Variants in ERICH1 observed in about 807,000 individuals in gnomAD.
ERICH1 encodes glutamate rich 1.
Under a neutral mutation model 39.6 loss-of-function variants are expected in ERICH1, and 56 were observed. That is an observed-to-expected ratio of 1.41 (90% CI 1.14 to 1.77). ERICH1 has a LOEUF of 1.77. Ranked by LOEUF, ERICH1 falls within the 40% of genes most tolerant of loss-of-function variation. The probability of loss-of-function intolerance (pLI) is 0.00; values close to 1 mark genes in which losing one functional copy is unlikely to be tolerated. For synonymous variants in ERICH1, 313 were observed against 223.6 expected (o/e 1.40, Z -3.57); for missense variants, 826 against 575.4 (o/e 1.44, Z -4.45).
chr8:623,719 C>G (rs1797424468), intron 3 of ERICH1, among the ~76,000 whole-genome samples: 1 of 152,262 alleles, frequency 6.6e-6, no homozygotes, highest in South Asian at 2.1e-4. Context: ...AGTTGAACCC[C>G]TTTCTTGCAC....
chr8:651,717 T>C (rs60673325), intron 3 of ERICH1, among the ~76,000 whole-genome samples: 1 of 29,174 alleles, frequency 3.4e-5, no homozygotes, highest in Admixed American at 4.1e-4. Context: ...TGAGACGGAG[T>C]GGGAGGGGGG....
intron 3 of ERICH1, among the ~76,000 whole-genome samples, chr8:638,689 T>G (rs1798651867): frequency 6.6e-6 from 1 of 152,206 alleles, no homozygotes; most frequent in Non-Finnish European, 1.5e-5. Flanking sequence ...TGCCTTATGA[T>G]AGCTAATTGC....
intron 3 of ERICH1, among the ~76,000 whole-genome samples, chr8:651,560 G>A (rs977266960): frequency 1.3e-5 from 2 of 152,162 alleles, no homozygotes; most frequent in African/African-American, 2.4e-5. Flanking sequence ...AGTCCACGAA[G>A]TGGGAAGGGG....
At chr8:661,931 G>T (rs770416096), downstream of ERICH1, among the ~76,000 whole-genome samples, 1 of 151,876 alleles carries the variant, frequency 6.6e-6, no homozygotes, top group African/African-American at 2.4e-5. Flanking sequence ...ACCACCCCCC[G>T]CAGTGGCAGG....
chr8:674,353 A>C (rs1208325651), intron 3 of ERICH1, among the ~76,000 whole-genome samples: 1 of 126,572 alleles, frequency 7.9e-6, no homozygotes, highest in Non-Finnish European at 1.6e-5. Context: ...CACAGGCTGG[A>C]GTGCAGTGGA....
rs139731216 is a variant in ERICH1, at chr8:708,681, G to GTTTTTTTTTTTTTTTTTTTTT, written c.169+7159_169+7179dup. ...GGGCTGAGTGGTTACGGGATAATGA[G>GTTTTTTTTTTTTTTTTTTTTT]TTTTTTTTTTTTTTTTTTTTTTTTT... On this transcript the variant is annotated intron_variant, in intron 2 of 5. Coordinates refer to ENST00000262109, the MANE Select transcript of ERICH1 (RefSeq NM_207332.3). Among the ~76,000 whole-genome samples, 24 of 65,764 alleles carry GTTTTTTTTTTTTTTTTTTTTT rather than the reference G, an allele frequency of 3.6e-4. 3 individuals are homozygous for GTTTTTTTTTTTTTTTTTTTTT. Among genetic ancestry groups the GTTTTTTTTTTTTTTTTTTTTT allele is most frequent in the Non-Finnish European group, 4.5e-4 (15 of 33,638 alleles). 43.1% of individuals were successfully genotyped at this position (65,764 alleles called of 152,430 possible).
intron 2 of ERICH1, among the ~76,000 whole-genome samples, chr8:702,228 C>T (rs947404965): frequency 6.6e-6 from 1 of 152,118 alleles, no homozygotes; most frequent in Non-Finnish European, 1.5e-5. Context: ...GAAAGGCTGT[C>T]CAGTTTTGTT....
At chr8:677,153 G>T (rs1805034149) in intron 3 of ERICH1, among the ~76,000 whole-genome samples, 1 of 152,244 alleles carries the variant, frequency 6.6e-6, no homozygotes, top group African/African-American at 2.4e-5. Context: ...GACACCGCAA[G>T]CTGTGACGCA....
At position 699,811 on chromosome 8, in the gene ERICH1, ATCCG is replaced by A. The variant is rs1563295522; in HGVS notation, c.170-7203_170-7200del. 7.2e-4 allele frequency among the ~76,000 whole-genome samples: 47 copies of A among 65,208 alleles called. 2 individuals carry two copies. Among genetic ancestry groups the A allele is most frequent in the Non-Finnish European group, 1.6e-3 (43 of 26,164 alleles). 42.8% of individuals were successfully genotyped at this position (65,208 alleles called of 152,430 possible). ...CGCACAGACCCGCACACGCGCACAG[ATCCG>A]CACAAGCGCACAGACCCGCACAGGC... is the stretch of plus-strand genomic sequence containing the variant. On this transcript the variant is annotated intron_variant, in intron 2 of 5. Coordinates refer to ENST00000262109, the MANE Select transcript of ERICH1 (RefSeq NM_207332.3).
rs1808932908 is a variant in ERICH1, at chr8:691,599, T to C, written c.304+879A>G. On this transcript the variant is annotated intron_variant, in intron 3 of 5. Coordinates refer to ENST00000262109, the MANE Select transcript of ERICH1 (RefSeq NM_207332.3). ...CTTCATAAGAACGCACATTTTCTAG[T>C]TAAATAATCTATCTATCTAATAATT... is the stretch of plus-strand genomic sequence containing the variant. Among the ~76,000 whole-genome samples the C allele has an allele frequency of 2.0e-5, 3 of 152,272 alleles. No homozygotes were observed. The South Asian group carries it at 6.2e-4, about 31-fold the overall frequency.
intron 5 of ERICH1, chr8:666,066 C>G (rs1320797276): frequency 6.6e-6 from 1 of 152,192 alleles, no homozygotes; most frequent in Non-Finnish European, 1.5e-5. Flanking sequence ...CTACAGAACT[C>G]AAAGGAGTCC....
intron 1 of ERICH1, among the ~76,000 whole-genome samples, chr8:726,042 C>A (rs779826980): frequency 1.3e-5 from 2 of 152,200 alleles, no homozygotes; most frequent in Non-Finnish European, 2.9e-5. Flanking sequence ...TGCAGCACAG[C>A]AATGACTCCT....
At chr8:678,984 C>T (rs989713809) in intron 3 of ERICH1, among the ~76,000 whole-genome samples, 3 of 152,016 alleles carry the variant, frequency 2.0e-5, no homozygotes, top group Admixed American at 6.6e-5. Context: ...TCCGACCCCT[C>T]ACAGCTTTGA....
At chr8:618,462 A>C (rs559311203) in intron 3 of ERICH1, among the ~76,000 whole-genome samples, 1 of 152,214 alleles carries the variant, frequency 6.6e-6, no homozygotes, top group African/African-American at 2.4e-5. Flanking sequence ...CTGCCCTGTA[A>C]GTGCTTGGTG....
chr8:683,820 A>C (rs998698098), intron 3 of ERICH1, among the ~76,000 whole-genome samples: 2 of 152,208 alleles, frequency 1.3e-5, no homozygotes, highest in Non-Finnish European at 2.9e-5. Context: ...CGCTAAGCTA[A>C]ACGTCTGCCT....
chr8:682,069 T>G (rs1234766306), intron 3 of ERICH1, among the ~76,000 whole-genome samples: 1 of 550 alleles, frequency 1.8e-3, no homozygotes. Flanking sequence ...TTCCCACTTT[T>G]CCATGATGAG....
At chr8:650,439 C>T (rs1585038781) in intron 3 of ERICH1, among the ~76,000 whole-genome samples, 2 of 152,186 alleles carry the variant, frequency 1.3e-5, no homozygotes, top group Admixed American at 1.3e-4. Context: ...CGCCTTAACT[C>T]GTTTTCCATC....
At chr8:710,682 T>A (rs1814524324) in intron 2 of ERICH1, among the ~76,000 whole-genome samples, 1 of 152,246 alleles carries the variant, frequency 6.6e-6, no homozygotes, top group African/African-American at 2.4e-5. Flanking sequence ...TAAGGTCCCA[T>A]CATGTCTTTT....
At chr8:651,679 G>T (rs1328000630) in intron 3 of ERICH1, among the ~76,000 whole-genome samples, 5 of 142,016 alleles carry the variant, frequency 3.5e-5, no homozygotes, top group Non-Finnish European at 7.8e-5. Context: ...GGGCAGGGTG[G>T]GGGAGAAGAC....
Sources: allele counts gnomAD v4.1 joint callset (sites outside exome capture counted in the v4.1 genomes callset), GRCh38; gene constraint gnomAD v4.1.1; transcripts MANE v1.5; gene names NCBI Gene and HGNC (gene_info 2026-07-23, HGNC 2026-07-21).